The following CFAP161 variants were observed in gnomAD, a reference collection of about 807,000 sequenced individuals.
CFAP161 encodes cilia and flagella associated protein 161.
Under a neutral mutation model 29.0 loss-of-function variants are expected in CFAP161, and 25 were observed. That is an observed-to-expected ratio of 0.86 (90% CI 0.63 to 1.20). The LOEUF is 1.20. Ranked by LOEUF, CFAP161 falls within the 50% of genes most tolerant of loss-of-function variation. The probability of loss-of-function intolerance (pLI) is 0.00; values close to 1 mark genes in which losing one functional copy is unlikely to be tolerated. For synonymous variants in CFAP161, 116 were observed against 137.4 expected (o/e 0.84, Z 1.09); for missense variants, 367 against 371.9 (o/e 0.99, Z 0.11).
chr15:81,123,304 C>T (rs1894599421), intron 1 of CFAP161, among the ~76,000 whole-genome samples: 1 of 152,070 alleles, frequency 6.6e-6, no homozygotes, highest in Admixed American at 6.6e-5. Flanking sequence ...TGGGCATCCC[C>T]CATTGCTTGT....
At chr15:81,101,269 G>C (rs1894300100) in intron 1 of CFAP161, among the ~76,000 whole-genome samples, 2 of 151,166 alleles carry the variant, frequency 1.3e-5, no homozygotes, top group African/African-American at 2.4e-5. Context: ...GCCGTGGCCT[G>C]TCATCCCAGC....
chr15:81,118,837 G>A (rs1894534685), intron 1 of CFAP161, among the ~76,000 whole-genome samples: 1 of 151,672 alleles, frequency 6.6e-6, no homozygotes. Flanking sequence ...GAATCAGGTA[G>A]GGAGAAGAAG....
upstream of CFAP161, among the ~76,000 whole-genome samples, chr15:81,132,258 T>C (rs1233799137): frequency 6.6e-6 from 1 of 152,090 alleles, no homozygotes; most frequent in Non-Finnish European, 1.5e-5. Flanking sequence ...GCCAGGTTGA[T>C]AGAGTGAGAC....
intron 1 of CFAP161, among the ~76,000 whole-genome samples, chr15:81,101,806 T>C (rs1311912653): frequency 6.6e-6 from 1 of 152,140 alleles, no homozygotes; most frequent in Non-Finnish European, 1.5e-5. Flanking sequence ...CTACTTGCTG[T>C]TGTCCTCTGG....
chr15:81,133,902 GCTGCTGCTGCTGCTGCTGCTGCTGATTAC>G (rs1448566718), upstream of CFAP161, among the ~76,000 whole-genome samples: 2 of 132,004 alleles, frequency 1.5e-5, no homozygotes, highest in Admixed American at 7.1e-5. Context: ...AATTGCTGCT[GCTGCTGCTGCTGCTGCTGCTGCTGATTAC>G]AAAAAATAGG....
At position 81,107,496 on chromosome 15, in the gene CFAP161, T is replaced by C. The variant is rs189574486; in HGVS notation, c.-141-20094T>C. ...ATCCCACCACTTTGGGAGGCCGGGG[T>C]GGGCGGATCACCTGAGGTCGGGACT... On this transcript the variant is annotated intron_variant, in intron 1 of 4. Transcript: ENST00000560091. Among the ~76,000 whole-genome samples, 232 of 152,134 alleles carry C rather than the reference T, an allele frequency of 1.5e-3. 1 individual carries two copies. Among genetic ancestry groups the C allele is most frequent in the African/African-American group, 5.1e-3 (210 of 41,502 alleles).
At chr15:81,107,922 A>ATT (rs58188926) in intron 1 of CFAP161, among the ~76,000 whole-genome samples, 2 of 144,132 alleles carry the variant, frequency 1.4e-5, no homozygotes, top group South Asian at 2.2e-4. Flanking sequence ...CTCTTATCAC[A>ATT]TTTTTTTTTT....
chr15:81,146,034 G>A (rs1037873119), intron 5 of CFAP161, among the ~76,000 whole-genome samples: 1 of 152,194 alleles, frequency 6.6e-6, no homozygotes, highest in Non-Finnish European at 1.5e-5. Flanking sequence ...AGCTGGGAGA[G>A]GCCAGTGTTT....
At chr15:81,136,128 A>G (rs1332109936) in intron 2 of CFAP161, among the ~76,000 whole-genome samples, 1 of 152,260 alleles carries the variant, frequency 6.6e-6, no homozygotes, top group South Asian at 2.1e-4. Context: ...CAATGTTTTA[A>G]ATTCTTCTAA....
intron 4 of CFAP161, among the ~76,000 whole-genome samples, 198 bp from the exon 5 acceptor site, chr15:81,143,464 G>A (rs1894948943): frequency 6.6e-6 from 1 of 152,208 alleles, no homozygotes; most frequent in African/African-American, 2.4e-5. Flanking sequence ...GTGTAGGTGT[G>A]TGTGTGTGTC....
At chr15:81,129,477 C>T (rs1211357196), upstream of CFAP161, among the ~76,000 whole-genome samples, 1 of 152,072 alleles carries the variant, frequency 6.6e-6, no homozygotes, top group Non-Finnish European at 1.5e-5. Flanking sequence ...AAGGGGAAAC[C>T]TCTTAAAAAA....
chr15:81,147,768 C>A, intron 5 of CFAP161, 90 bp from the exon 6 acceptor site: 1 of 768,160 alleles, frequency 1.3e-6, no homozygotes, highest in Admixed American at 2.9e-5. Flanking sequence ...ATAGTATAAT[C>A]CCAAATTTTT....
rs920268657 is a variant in CFAP161 at position 81,109,053 on chromosome 15, C to T, written c.-141-18537C>T. ...TAAGAGGAGTGAGCAGGAGCATTGT[C>T]ACGGTGGAGAAGGGCTCTCCAGTGA... On this transcript the variant is annotated intron_variant, in intron 1 of 4. Transcript: ENST00000560091. Among the ~76,000 whole-genome samples, 3 of 152,144 alleles carry T rather than the reference C, an allele frequency of 2.0e-5. No homozygotes were observed. The East Asian group carries it at 5.8e-4, about 29-fold the overall frequency.
chr15:81,114,603 A>G (rs1567151850), intron 1 of CFAP161, among the ~76,000 whole-genome samples: 1 of 152,224 alleles, frequency 6.6e-6, no homozygotes, highest in Non-Finnish European at 1.5e-5. Context: ...TCGCAATGGG[A>G]ATATGCATGT....
intron 1 of CFAP161, among the ~76,000 whole-genome samples, chr15:81,102,151 G>C (rs1017217947): frequency 3.9e-5 from 6 of 152,204 alleles, no homozygotes; most frequent in African/African-American, 1.4e-4. Context: ...AATTTGTTCA[G>C]CACAAATAGC....
At chr15:81,109,708 A>C (rs1894417471) in intron 1 of CFAP161, among the ~76,000 whole-genome samples, 1 of 152,286 alleles carries the variant, frequency 6.6e-6, no homozygotes, top group South Asian at 2.1e-4. Context: ...TATCTCAAAA[A>C]AGAATTGCGT....
Position 81,143,782 on chromosome 15 carries a change from C to G in CFAP161, c.598C>G (p.Pro200Ala). Reference protein sequence around the residue: ...VNCWQAAFPDPQLRLEYEGFP... With the variant: ...VNCWQAAFPDAQLRLEYEGFP... Reference sequence around the variant, plus strand: ...CTGCTGGCAGGCTGCCTTCCCTGACCCCCAGTTACGCCTGGAATATGAAGG... The same window carrying G: ...CTGCTGGCAGGCTGCCTTCCCTGACGCCCAGTTACGCCTGGAATATGAAGG... Residue 200 changes from proline to alanine, a missense_variant, in exon 5 of 7, where the codon CCC (proline) becomes GCC (alanine). Physicochemically the swap from Pro to Ala is conservative, Grantham distance 27. Coordinates refer to ENST00000286732, the MANE Select transcript of CFAP161 (RefSeq NM_173528.4). The G allele has an allele frequency of 6.2e-7, 1 of 1,614,112 alleles. No homozygotes were observed. Among genetic ancestry groups the G allele is most frequent in the Non-Finnish European group, 8.5e-7 (1 of 1,180,022 alleles).
intron 1 of CFAP161, among the ~76,000 whole-genome samples, chr15:81,105,738 G>A (rs535726025): frequency 1.3e-5 from 2 of 152,326 alleles, no homozygotes; most frequent in South Asian, 2.1e-4. Flanking sequence ...GAAGGCTGAC[G>A]CAGGCAGAAG....
chr15:81,119,798 G>C (rs1894547508), intron 1 of CFAP161, among the ~76,000 whole-genome samples: 1 of 152,124 alleles, frequency 6.6e-6, no homozygotes, highest in African/African-American at 2.4e-5. Flanking sequence ...CCCCCATGGT[G>C]GTTCATGCTT....
Sources: allele counts gnomAD v4.1 joint callset (sites outside exome capture counted in the v4.1 genomes callset), GRCh38; gene constraint gnomAD v4.1.1; transcripts MANE v1.5; gene names NCBI Gene and HGNC (gene_info 2026-07-23, HGNC 2026-07-21).